The following NUDT21 variants were observed in gnomAD, a reference collection of about 807,000 sequenced individuals.
NUDT21 encodes cleavage and polyadenylation specificity factor subunit 5.
A neutral mutation model predicts 29.8 loss-of-function variants in NUDT21; 5 were observed. The ratio of observed to expected loss-of-function variants is 0.17; its 90% CI spans 0.09 to 0.35. The LOEUF (loss-of-function observed/expected upper bound fraction) is 0.35, where lower values mean the gene tolerates loss of function less well. Ranked by LOEUF, NUDT21 falls within the 10% of genes least tolerant of loss-of-function variation. The probability of loss-of-function intolerance (pLI) is 1.00; values close to 1 mark genes in which losing one functional copy is unlikely to be tolerated. For missense variants in NUDT21, 76 were observed against 276.0 expected, an observed-to-expected ratio of 0.28 and a Z score of 5.13; for synonymous variants, 113 against 98.5, an observed-to-expected ratio of 1.15 and a Z score of -0.87.
At chr16:56,439,944 T>C (rs931276405) in intron 3 of NUDT21, among the ~76,000 whole-genome samples, 198 bp from the exon 4 acceptor site, 1 of 152,246 alleles carries the variant, frequency 6.6e-6, no homozygotes, top group Non-Finnish European at 1.5e-5. Flanking sequence ...ACTGGCAAGC[T>C]AGTATCAACA....
At chr16:56,445,478 T>C (rs967800601) in intron 3 of NUDT21, among the ~76,000 whole-genome samples, 2 of 152,262 alleles carry the variant, frequency 1.3e-5, no homozygotes, top group South Asian at 2.1e-4. Context: ...AAGTGATTAT[T>C]GACTATAGTC....
intron 3 of NUDT21, among the ~76,000 whole-genome samples, chr16:56,442,518 T>C (rs188223639): frequency 6.6e-6 from 1 of 152,362 alleles, no homozygotes; most frequent in East Asian, 1.9e-4. Context: ...TTAACCTCTC[T>C]GCTTACCAAT....
intron 4 of NUDT21, 62 bp from the exon 5 acceptor site, chr16:56,434,891 T>TA (rs1962078439): frequency 1.0e-6 from 1 of 990,634 alleles, no homozygotes; most frequent in Admixed American, 1.9e-5. Flanking sequence ...TTTACATGTT[T>TA]ACTCCCCAGT....
In NUDT21 at chr16:56,451,326, A is replaced by C. The variant is rs1962315899; in HGVS notation, c.-124T>G. 3 of 827,372 alleles carry C rather than the reference A, an allele frequency of 3.6e-6. No individual in the cohort carries two copies. Among genetic ancestry groups the C allele is most frequent in the Non-Finnish European group, 5.7e-6 (3 of 528,470 alleles). 51.3% of individuals were successfully genotyped at this position (827,372 alleles called of 1,614,324 possible). A position where few individuals can be genotyped will look rare whatever the true frequency, so the allele number is the denominator to read the frequency against. ...TGCCCGCCATTAACAGGACAGCGCA[A>C]GAGGAGGCGTAGGCACGCCGGAAGT... On this transcript the variant is annotated 5_prime_UTR_variant, in exon 1 of 7. Coordinates refer to ENST00000300291, the MANE Select transcript of NUDT21 (RefSeq NM_007006.3).
At chr16:56,438,061 C>A (rs1962124039) in intron 4 of NUDT21, among the ~76,000 whole-genome samples, 1 of 151,966 alleles carries the variant, frequency 6.6e-6, no homozygotes, top group South Asian at 2.1e-4. Flanking sequence ...GTACACTATA[C>A]CAATTGTGAT....
chr16:56,439,405 T>C (rs1170400815), intron 4 of NUDT21: 3 of 399,768 alleles, frequency 7.5e-6, no homozygotes, highest in African/African-American at 6.2e-5. Flanking sequence ...ACTCCTGACC[T>C]CAACAGGTGA....
At position 56,429,182 on chromosome 16, in the gene NUDT21, C is replaced by T. The variant is rs1456612359; in HGVS notation, c.*3530G>A. On this transcript the variant is annotated 3_prime_UTR_variant, in exon 7 of 7. Transcript: ENST00000300291. ...AAATGACAATAAAATAAAAAAAGAA[C>T]AGTGATCACTTTAACCAAACTTACT... The T allele has an allele frequency of 1.3e-5, 2 of 152,158 alleles. No homozygotes were observed. The highest frequency in any genetic ancestry group is 6.5e-5 in the Admixed American group (1 of 15,270). The allele number at this position is 152,158 out of a possible 1,614,324, so 9.4% of individuals were successfully genotyped here.
chr16:56,434,017 G>A (rs1015785225), intron 6 of NUDT21, among the ~76,000 whole-genome samples: 1 of 152,110 alleles, frequency 6.6e-6, no homozygotes, highest in Non-Finnish European at 1.5e-5. Context: ...AGACAACTCC[G>A]CTCATATTTA....
At chr16:56,435,894 C>T (rs1962099227) in intron 4 of NUDT21, among the ~76,000 whole-genome samples, 1 of 145,028 alleles carries the variant, frequency 6.9e-6, no homozygotes, top group Non-Finnish European at 1.5e-5. Context: ...TCCTTCCAGC[C>T]CCAACCTCAA....
rs886907169 is a variant in NUDT21, at chr16:56,432,487, A to T, written c.*225T>A. On this transcript the variant is annotated 3_prime_UTR_variant, in exon 7 of 7. Coordinates refer to ENST00000300291, the MANE Select transcript of NUDT21 (RefSeq NM_007006.3). ...GTCCATTTTCTTTAATGTTGTACAA[A>T]AAAGTATGAGCAGAACCGAAAGTAA... The T allele has an allele frequency of 2.5e-5, 10 of 403,408 alleles. No homozygotes were observed. Among genetic ancestry groups the T allele is most frequent in the African/African-American group, 2.1e-4 (10 of 48,486 alleles). 25.0% of individuals were successfully genotyped at this position (403,408 alleles called of 1,614,324 possible).
chr16:56,442,799 T>TCTTA (rs749953861), intron 3 of NUDT21, among the ~76,000 whole-genome samples: 15 of 152,234 alleles, frequency 9.9e-5, no homozygotes, highest in Non-Finnish European at 1.8e-4. Flanking sequence ...TTTTATCTAT[T>TCTTA]CTTACCTACA....
intron 6 of NUDT21, among the ~76,000 whole-genome samples, chr16:56,433,087 A>T (rs1596952893): frequency 6.6e-6 from 1 of 152,350 alleles, no homozygotes; most frequent in East Asian, 1.9e-4. Context: ...GTGTTTGAAT[A>T]AATAATATGA....
At chr16:56,444,480 A>G (rs1962194213) in intron 3 of NUDT21, among the ~76,000 whole-genome samples, 1 of 151,912 alleles carries the variant, frequency 6.6e-6, no homozygotes. Context: ...GCTACTCTGG[A>G]GGCTGAGGCA....
Position 56,432,477 on chromosome 16 carries a change from T to C in NUDT21, c.*235A>G, listed in dbSNP as rs544018057. Reference sequence around the variant, plus strand: ...AATAAAAAAAGTCCATTTTCTTTAATGTTGTACAAAAAAGTATGAGCAGAA... The same window carrying C: ...AATAAAAAAAGTCCATTTTCTTTAACGTTGTACAAAAAAGTATGAGCAGAA... On this transcript the variant is annotated 3_prime_UTR_variant, in exon 7 of 7. Coordinates refer to ENST00000300291, the MANE Select transcript of NUDT21 (RefSeq NM_007006.3). 219 of 395,482 alleles carry C rather than the reference T, an allele frequency of 5.5e-4. 2 individuals carry two copies. Among genetic ancestry groups the C allele is most frequent in the African/African-American group, 3.4e-3 (165 of 48,294 alleles). The allele number at this position is 395,482 out of a possible 1,614,324, so 24.5% of individuals were successfully genotyped here.
intron 3 of NUDT21, among the ~76,000 whole-genome samples, chr16:56,440,262 A>C (rs1288656349): frequency 6.6e-6 from 1 of 152,218 alleles, no homozygotes; most frequent in African/African-American, 2.4e-5. Context: ...TTGTTCAGAG[A>C]CTTCTCATAT....
At chr16:56,433,909 ACTC>A (rs1226509539) in intron 6 of NUDT21, among the ~76,000 whole-genome samples, 4 of 151,518 alleles carry the variant, frequency 2.6e-5, no homozygotes, top group African/African-American at 9.7e-5. Context: ...CTGGTCTCGA[ACTC>A]CTGACCTGGT....
intron 5 of NUDT21, 73 bp downstream of exon 5, chr16:56,434,681 C>A: frequency 9.8e-7 from 1 of 1,017,068 alleles, no homozygotes. Context: ...TTTGAGAAAA[C>A]ACAAATAGAG....
chr16:56,446,170 A>T (rs777081491), intron 3 of NUDT21, among the ~76,000 whole-genome samples: 3 of 152,264 alleles, frequency 2.0e-5, no homozygotes, highest in Non-Finnish European at 4.4e-5. Context: ...AGTCTAAAAA[A>T]TATGTGAAAA....
In NUDT21 at chr16:56,432,585, G is replaced by C; in HGVS notation, c.*127C>G. The C allele has an allele frequency of 1.7e-6, 1 of 573,996 alleles. No individual in the cohort carries two copies. The highest frequency in any genetic ancestry group is 3.0e-6 in the Non-Finnish European group (1 of 328,912). The allele number at this position is 573,996 out of a possible 1,614,324, so 35.6% of individuals were successfully genotyped here. On this transcript the variant is annotated 3_prime_UTR_variant, in exon 7 of 7. Transcript: ENST00000300291. ...AATTTTACTATTCAAACAATAGAAA[G>C]GTGGCAATTTAGGGATCGCAAAAGA...
Sources: gnomAD v4.1 joint callset for allele counts (sites outside exome capture counted in the v4.1 genomes callset) on GRCh38, gnomAD v4.1.1 for gene constraint, MANE v1.5 for transcripts, NCBI Gene and HGNC (gene_info 2026-07-23, HGNC 2026-07-21) for gene names.